The following EXD2 variants were observed in gnomAD, a reference collection of about 807,000 sequenced individuals.
EXD2 encodes exonuclease 3'-5' domain-containing protein 2.
EXD2 carries 40 observed loss-of-function variants against 62.5 expected under a neutral mutation model. The ratio of observed to expected loss-of-function variants is 0.64; its 90% CI spans 0.50 to 0.83. EXD2 has a LOEUF of 0.83. Among genes scored for constraint, EXD2 ranks in the 40% least tolerant of loss-of-function variants. The probability of loss-of-function intolerance (pLI) is 0.00; values close to 1 mark genes in which losing one functional copy is unlikely to be tolerated. For missense variants in EXD2, 671 were observed against 761.8 expected (o/e 0.88, Z 1.40); for synonymous variants, 239 against 291.9 (o/e 0.82, Z 1.85).
chr14:69,239,890 C>T (rs1566844649), intron 9 of EXD2, among the ~76,000 whole-genome samples: 1 of 152,210 alleles, frequency 6.6e-6, no homozygotes, highest in Non-Finnish European at 1.5e-5. Context: ...GCATGAGCCA[C>T]CACGCCCAGC....
At chr14:69,218,930 G>A (rs2043075988) in intron 3 of EXD2, among the ~76,000 whole-genome samples, 1 of 152,202 alleles carries the variant, frequency 6.6e-6, no homozygotes, top group African/African-American at 2.4e-5. Context: ...ATAGTTTGAA[G>A]TCAGGTAGCA....
At position 69,234,759 on chromosome 14, in the gene EXD2, ATACCCT is replaced by A; in HGVS notation, c.779_784del (p.Tyr260_Pro261del). On this transcript the variant is annotated inframe_deletion, in exon 6 of 10. Transcript: ENST00000685843. ...TGGCTCTCTTTCTTCATCTTCTTGGATACCCTTTCTCTAGGAATTCACCTGGAGAAA... is the reference window on the plus strand; with the variant it reads ...TGGCTCTCTTTCTTCATCTTCTTGGATTCTCTAGGAATTCACCTGGAGAAA... 1 of 1,614,094 alleles carries A rather than the reference ATACCCT, an allele frequency of 6.2e-7. No individual in the cohort carries two copies. Among genetic ancestry groups the A allele is most frequent in the African/African-American group, 1.3e-5 (1 of 74,996 alleles).
chr14:69,241,635 G>T lies in EXD2; in HGVS notation c.*535G>T. The T allele has an allele frequency of 5.2e-6, 2 of 385,642 alleles. No individual in the cohort carries two copies. Among genetic ancestry groups the T allele is most frequent in the Non-Finnish European group, 9.2e-6 (2 of 218,264 alleles). 23.9% of individuals were successfully genotyped at this position (385,642 alleles called of 1,614,324 possible). A position where few individuals can be genotyped will look rare whatever the true frequency, so the allele number is the denominator to read the frequency against. ...TTCATGCTCTCCCGTAACTCATGTG[G>T]TTGGGATCCATCCCATCTGGGTCAC... On this transcript the variant is annotated 3_prime_UTR_variant, in exon 10 of 10. Transcript: ENST00000685843.
intron 1 of EXD2, among the ~76,000 whole-genome samples, chr14:69,199,454 CCTT>C (rs2042315309): frequency 6.6e-6 from 1 of 152,094 alleles, no homozygotes; most frequent in African/African-American, 2.4e-5. Flanking sequence ...AATAAGTTAA[CCTT>C]AGTTTACTAT....
intron 1 of EXD2, among the ~76,000 whole-genome samples, chr14:69,202,925 A>G (rs954722120): frequency 6.6e-6 from 1 of 152,256 alleles, no homozygotes; most frequent in Admixed American, 6.5e-5. Context: ...AATTTACTAC[A>G]AGCTTTATAT....
intron 2 of EXD2, among the ~76,000 whole-genome samples, chr14:69,207,117 A>G (rs1363059732): frequency 1.3e-5 from 2 of 152,198 alleles, no homozygotes; most frequent in East Asian, 3.8e-4. Context: ...TACTCTAATA[A>G]TTGTTGTAAT....
chr14:69,193,302 G>A (rs993283898), intron 1 of EXD2, among the ~76,000 whole-genome samples: 2 of 152,078 alleles, frequency 1.3e-5, no homozygotes, highest in African/African-American at 2.4e-5. Context: ...CGAGTGATCC[G>A]CCTGCCTTGG....
intron 3 of EXD2, among the ~76,000 whole-genome samples, chr14:69,218,840 G>A (rs998803401): frequency 5.3e-5 from 8 of 152,100 alleles, no homozygotes; most frequent in African/African-American, 1.9e-4. Flanking sequence ...TTATTTTTGA[G>A]CGCTCTGTTC....
At chr14:69,231,875 C>T (rs939784614) in intron 5 of EXD2, among the ~76,000 whole-genome samples, 17 of 118,750 alleles carry the variant, frequency 1.4e-4, no homozygotes, top group Middle Eastern at 5.6e-3. Flanking sequence ...GGAGTACATT[C>T]ATAACAGTTT....
At chr14:69,239,309 A>G (rs538649290) in intron 9 of EXD2, 14 of 152,300 alleles carry the variant, frequency 9.2e-5, no homozygotes, top group South Asian at 4.1e-4. Flanking sequence ...ACTTTTTCCA[A>G]CAGGACCAGG....
chr14:69,223,606 A>C (rs1380526859), intron 3 of EXD2, among the ~76,000 whole-genome samples: 2 of 152,194 alleles, frequency 1.3e-5, no homozygotes, highest in Admixed American at 6.5e-5. Context: ...ATAACTGTGG[A>C]TAAATCACCT....
intron 5 of EXD2, among the ~76,000 whole-genome samples, chr14:69,232,054 G>A (rs1327024448): frequency 6.6e-6 from 1 of 152,088 alleles, no homozygotes; most frequent in Non-Finnish European, 1.5e-5. Flanking sequence ...TGGGGGAAAG[G>A]TGCCAGTGGT....
Position 69,203,908 on chromosome 14 carries a change from A to G in EXD2, c.-131-9A>G, listed in dbSNP as rs559874316. On this transcript the variant is annotated splice_polypyrimidine_tract_variant and intron_variant, in intron 1 of 9. Coordinates refer to ENST00000685843, the MANE Select transcript of EXD2 (RefSeq NM_001193360.2). Reference sequence around the variant, plus strand: ...AGTAATCCTACATAATGGTATTCCTATTTCACAGATGAGGAGACTGTCCTT... The same window carrying G: ...AGTAATCCTACATAATGGTATTCCTGTTTCACAGATGAGGAGACTGTCCTT... 8.5e-5 allele frequency: 13 copies of G among 152,316 alleles called. No homozygotes were observed. Among genetic ancestry groups the G allele is most frequent in the African/African-American group, 3.1e-4 (13 of 41,566 alleles). 9.4% of individuals were successfully genotyped at this position (152,316 alleles called of 1,614,324 possible).
At position 69,228,825 on chromosome 14, in the gene EXD2, G is replaced by C; in HGVS notation, c.343G>C (p.Glu115Gln). ...LGIDCEWVNL[E>Q]GKASPLSLLQ... ...TCTTCCTCTGTTGCAGGTAAATTTG[G>C]AAGGCAAAGCCAGCCCTCTGTCACT... The change falls in exon 4 of 10, where the codon GAA (glutamate) becomes CAA (glutamine). Residue 115 changes from glutamate to glutamine, a missense_variant. Glu to Gln is a conservative substitution (Grantham distance 29). Coordinates refer to ENST00000685843, the MANE Select transcript of EXD2 (RefSeq NM_001193360.2). The C allele has an allele frequency of 6.2e-7, 1 of 1,612,436 alleles. No individual in the cohort carries two copies. Among genetic ancestry groups the C allele is most frequent in the Non-Finnish European group, 8.5e-7 (1 of 1,179,274 alleles).
intron 3 of EXD2, among the ~76,000 whole-genome samples, chr14:69,210,998 A>G (rs893661620): frequency 6.6e-6 from 1 of 151,654 alleles, no homozygotes; most frequent in Admixed American, 6.6e-5. Context: ...CTGACTGATC[A>G]GGGTAGTGGT....
At chr14:69,209,379 G>T (rs2042726613) in intron 2 of EXD2, 45 bp from the exon 3 acceptor site, 2 of 1,113,028 alleles carry the variant, frequency 1.8e-6, no homozygotes, top group South Asian at 1.9e-5. Context: ...TTATGTAAAG[G>T]TTTATATTCT....
rs756004372 is a variant in EXD2 at position 69,237,925 on chromosome 14, A to G, written c.1643A>G (p.Glu548Gly). Residue 548 changes from glutamate (E) to glycine (G), a missense_variant, in exon 9 of 10, where the codon GAG becomes GGG. Physicochemically the swap from Glu to Gly is moderately conservative, Grantham distance 98. Transcript: ENST00000685843. ...EEMLQEAASLETRISNENYVP... is the reference protein window; with the variant it reads ...EEMLQEAASLGTRISNENYVP... The stretch of plus-strand genomic sequence containing the variant: ...ATGCTTCAAGAGGCTGCCAGCCTGG[A>G]GACCAGGTACAAAGCACAGGAATTG... 1.3e-6 allele frequency: 2 copies of G among 1,556,346 alleles called. No individual in the cohort carries two copies. Among genetic ancestry groups the G allele is most frequent in the Non-Finnish European group, 1.7e-6 (2 of 1,154,240 alleles).
intron 1 of EXD2, among the ~76,000 whole-genome samples, chr14:69,193,107 G>A (rs1410910050): frequency 6.8e-6 from 1 of 147,248 alleles, no homozygotes; most frequent in African/African-American, 2.5e-5. Context: ...TGCCCAGGTT[G>A]GAGTGCAGTG....
intron 3 of EXD2, among the ~76,000 whole-genome samples, chr14:69,220,667 G>A (rs955763022): frequency 6.6e-6 from 1 of 150,388 alleles, no homozygotes; most frequent in Non-Finnish European, 1.5e-5. Flanking sequence ...TCAGGAGTTC[G>A]AGACCAGCCT....
Sources: gnomAD v4.1 joint callset for allele counts (sites outside exome capture counted in the v4.1 genomes callset) on GRCh38, gnomAD v4.1.1 for gene constraint, MANE v1.5 for transcripts, NCBI Gene and HGNC (gene_info 2026-07-23, HGNC 2026-07-21) for gene names.